The following ABL1 variants were observed in gnomAD, a reference collection of about 807,000 sequenced individuals.
ABL1 encodes the protein tyrosine-protein kinase ABL1.
A neutral mutation model predicts 94.7 loss-of-function variants in ABL1; 11 were observed. The observed-to-expected ratio is 0.12, with a 90% CI of 0.07 to 0.19. The LOEUF is 0.19. Ranked by LOEUF, ABL1 falls within the 10% of genes least tolerant of loss-of-function variation. The pLI, the probability that ABL1 is intolerant of heterozygous loss-of-function variation, is 1.00. For synonymous variants in ABL1, 656 were observed against 622.4 expected (o/e 1.05, Z -0.80); for missense variants, 1,082 against 1,489.4 (o/e 0.73, Z 4.50).
At chr9:130,857,124 T>C (rs1201029247) in intron 3 of ABL1, among the ~76,000 whole-genome samples, 4 of 152,258 alleles carry the variant, frequency 2.6e-5, no homozygotes, top group Non-Finnish European at 4.4e-5. Context: ...TGTAATCCAC[T>C]AAATTTATTT....
At chr9:130,840,621 A>G (rs1287569879) in intron 1 of ABL1, among the ~76,000 whole-genome samples, 1 of 152,216 alleles carries the variant, frequency 6.6e-6, no homozygotes, top group Non-Finnish European at 1.5e-5. Flanking sequence ...CAGAAGAACA[A>G]TTTATAAAAT....
intron 1 of ABL1, among the ~76,000 whole-genome samples, chr9:130,837,545 GTC>G (rs997472437): frequency 1.5e-4 from 21 of 144,162 alleles, no homozygotes; most frequent in African/African-American, 5.6e-4. Context: ...TGACTCTAAA[GTC>G]TCAAAAAAAA....
rs2132973905 is a variant in ABL1, at chr9:130,862,928, C to T, written c.715C>T (p.Arg239Cys). The part of the protein sequence containing the change: ...SPNYDKWEME[R>C]TDITMKHKLG... ...CAACTACGACAAGTGGGAGATGGAA[C>T]GCACGGACATCACCATGAAGCACAA... The change falls in exon 4 of 11, where the codon CGC becomes TGC. Residue 239 changes from arginine (R) to cysteine (C), a missense_variant. Arg to Cys is a radical substitution (Grantham distance 180). Around this residue, in one of 7 missense-constraint regions of ABL1, gnomAD observed 92 missense variants for 212.3 expected, o/e 0.43. Transcript: ENST00000318560. The surrounding 1 kb of genome is among the most constrained non-coding windows in gnomAD (Gnocchi z 5.5). 2 of 1,614,166 alleles carry T rather than the reference C, an allele frequency of 1.2e-6. No homozygotes were observed. The highest frequency in any genetic ancestry group is 1.7e-6 in the Non-Finnish European group (2 of 1,180,046).
At chr9:130,713,508 G>A (rs1330074601) in exon 1 of ABL1, among the ~76,000 whole-genome samples, 1 of 152,070 alleles carries the variant, frequency 6.6e-6, no homozygotes, top group Non-Finnish European at 1.5e-5. Context: ...CCTTATTCCG[G>A]ATCCCGGCCC....
At chr9:130,842,720 C>T (rs1830694482) in intron 1 of ABL1, among the ~76,000 whole-genome samples, 1 of 152,202 alleles carries the variant, frequency 6.6e-6, no homozygotes, top group Admixed American at 6.5e-5. Flanking sequence ...TCAAACCAGC[C>T]ATGGCTGGCA....
chr9:130,777,485 C>T lies in ABL1; in HGVS notation c.136+63030C>T, dbSNP rs57153350. 5.0e-3 allele frequency among the ~76,000 whole-genome samples: 624 copies of T among 125,664 alleles called. 2 individuals carry two copies. Among genetic ancestry groups the T allele is most frequent in the African/African-American group, 0.018 (585 of 32,480 alleles). The allele number at this position is 125,664 out of a possible 152,430, so 82.4% of individuals were successfully genotyped here. A position where few individuals can be genotyped will look rare whatever the true frequency, so the allele number is the denominator to read the frequency against. On this transcript the variant is annotated intron_variant, in intron 1 of 10. Transcript: ENST00000372348. Reference sequence around the variant, plus strand: ...GGACACTGACTCACTGCATTAGTACCTTCTAGACTATGAGCAGGGGAATCG... The same window carrying T: ...GGACACTGACTCACTGCATTAGTACTTTCTAGACTATGAGCAGGGGAATCG...
At chr9:130,831,823 G>C (rs1282785057), upstream of ABL1, among the ~76,000 whole-genome samples, 19 of 152,096 alleles carry the variant, frequency 1.2e-4, no homozygotes, top group Non-Finnish European at 2.5e-4. Flanking sequence ...TGGCCAGGCT[G>C]GTCTTTAACT....
At chr9:130,830,906 C>T (rs1393615105), upstream of ABL1, among the ~76,000 whole-genome samples, 1 of 152,170 alleles carries the variant, frequency 6.6e-6, no homozygotes, top group Non-Finnish European at 1.5e-5. Flanking sequence ...TGACACATAA[C>T]TCGTGACCAG....
intron 1 of ABL1, among the ~76,000 whole-genome samples, chr9:130,792,220 C>T (rs976190167): frequency 1.3e-5 from 2 of 152,132 alleles, no homozygotes; most frequent in Admixed American, 1.3e-4. Flanking sequence ...ATTTACACGT[C>T]GAGTCTTACA....
Position 130,721,770 on chromosome 9 carries a change from G to A in ABL1, c.136+7315G>A, listed in dbSNP as rs116838456. On this transcript the variant is annotated intron_variant, in intron 1 of 10. Coordinates refer to the ABL1 transcript ENST00000372348. ...TATACATTAGAAGGTGGGAGGAAGT[G>A]CAATTATTGGATCCTATAGGCATTA... Among the ~76,000 whole-genome samples, 641 of 150,484 alleles carry A rather than the reference G, an allele frequency of 4.3e-3. 6 individuals are homozygous for A. The highest frequency in any genetic ancestry group is 0.015 in the African/African-American group (617 of 41,008).
intron 1 of ABL1, among the ~76,000 whole-genome samples, chr9:130,800,674 TTTACTC>T (rs1474723454): frequency 1.3e-5 from 2 of 152,330 alleles, no homozygotes; most frequent in Admixed American, 1.3e-4. Context: ...TTTGATTTCT[TTTACTC>T]TTAGCATCAT....
chr9:130,770,159 G>GTC lies in ABL1; in HGVS notation c.136+55714_136+55715dup, dbSNP rs1343228565. 1.2e-4 allele frequency among the ~76,000 whole-genome samples: 6 copies of GTC among 48,020 alleles called. No homozygotes were observed. The East Asian group carries it at 1.8e-3, about 15-fold the overall frequency. 31.5% of individuals were successfully genotyped at this position (48,020 alleles called of 152,430 possible). A position where few individuals can be genotyped will look rare whatever the true frequency, so the allele number is the denominator to read the frequency against. On this transcript the variant is annotated intron_variant, in intron 1 of 10. Transcript: ENST00000372348. ...TTTGTTGTCTTTATTTCTACCAGTT[G>GTC]TCTCTCTCTCTGTCTCTCTCTCTCT...
intron 1 of ABL1, among the ~76,000 whole-genome samples, chr9:130,828,809 G>A (rs768078933): frequency 1.3e-5 from 2 of 152,086 alleles, no homozygotes; most frequent in South Asian, 2.1e-4. Flanking sequence ...TGATAATAAC[G>A]AAGAAACAAA....
intron 1 of ABL1, among the ~76,000 whole-genome samples, chr9:130,807,337 C>A (rs1588246144): frequency 6.6e-6 from 1 of 152,064 alleles, no homozygotes; most frequent in Non-Finnish European, 1.5e-5. Flanking sequence ...CAGCCTCCAC[C>A]TCCTGGGTTC....
intron 1 of ABL1, among the ~76,000 whole-genome samples, chr9:130,730,069 A>G (rs571538000): frequency 1.7e-5 from 1 of 60,190 alleles, no homozygotes; most frequent in Non-Finnish European, 3.1e-5. Flanking sequence ...TTGAGATGGA[A>G]TTCTGCTCTT....
intron 1 of ABL1, among the ~76,000 whole-genome samples, chr9:130,847,144 C>T (rs987562185): frequency 3.9e-5 from 6 of 151,998 alleles, no homozygotes; most frequent in Admixed American, 1.3e-4. Context: ...TTTTTGTTAA[C>T]ATTATGACAA....
intron 1 of ABL1, among the ~76,000 whole-genome samples, chr9:130,740,546 G>T (rs1381390210): frequency 6.6e-6 from 1 of 152,204 alleles, no homozygotes; most frequent in African/African-American, 2.4e-5. Context: ...GCCACAGCAG[G>T]TGTTATTATC....
chr9:130,847,091 C>T (rs1410539705), intron 1 of ABL1, among the ~76,000 whole-genome samples: 1 of 151,914 alleles, frequency 6.6e-6, no homozygotes, highest in Non-Finnish European at 1.5e-5. Context: ...GCTCAACTAG[C>T]TAATTAGTGA....
intron 1 of ABL1, among the ~76,000 whole-genome samples, chr9:130,799,396 A>G (rs533773231): frequency 6.6e-6 from 1 of 152,304 alleles, no homozygotes; most frequent in African/African-American, 2.4e-5. Flanking sequence ...GAGGTTTGAC[A>G]GTTTACTCCT....
Sources: allele counts gnomAD v4.1 joint callset (sites outside exome capture counted in the v4.1 genomes callset), GRCh38; gene constraint gnomAD v4.1.1; regional missense constraint gnomAD v4.1.1; non-coding constraint Gnocchi (gnomAD v3.1); transcripts MANE v1.5; gene names NCBI Gene and HGNC (gene_info 2026-07-23, HGNC 2026-07-21).